The following CDC7 variants were observed in gnomAD, a reference collection of about 807,000 sequenced individuals.
CDC7 encodes cell division cycle 7-related protein kinase.
CDC7 carries 34 observed loss-of-function variants against 53.5 expected under a neutral mutation model. The observed-to-expected ratio is 0.64, with a 90% confidence interval of 0.48 to 0.85. The LOEUF is 0.85. Ranked by LOEUF, CDC7 falls within the 40% of genes least tolerant of loss-of-function variation. CDC7 has a pLI of 0.00. For missense variants in CDC7, 594 were observed against 679.7 expected (o/e 0.87, Z 1.40); for synonymous variants, 211 against 222.8 (o/e 0.95, Z 0.47).
Position 91,520,298 on chromosome 1 carries a change from T to C in CDC7, c.1330+19T>C. On this transcript the variant is annotated intron_variant, in intron 11 of 11. Coordinates refer to ENST00000234626, the MANE Select transcript of CDC7 (RefSeq NM_003503.4). ...ACTTTTGGTAAGCAGTTTTGTATTATAGAACCAAACAAAATGCCTTTGATT... is the reference window on the plus strand; with the variant it reads ...ACTTTTGGTAAGCAGTTTTGTATTACAGAACCAAACAAAATGCCTTTGATT... 6.6e-7 allele frequency: 1 copy of C among 1,525,702 alleles called. No individual in the cohort carries two copies. The highest frequency in any genetic ancestry group is 8.8e-7 in the Non-Finnish European group (1 of 1,137,132). 94.5% of individuals were successfully genotyped at this position (1,525,702 alleles called of 1,614,324 possible).
At chr1:91,500,976 C>T (rs1297311038) in intron 1 of CDC7, 28 bp downstream of exon 1, 1 of 152,244 alleles carries the variant, frequency 6.6e-6, no homozygotes. Flanking sequence ...TGTTCCATGG[C>T]GCGGGATTGT....
At position 91,514,952 on chromosome 1, in the gene CDC7, G is replaced by C; in HGVS notation, c.1052G>C (p.Cys351Ser). ...TASSCPASLT[C>S]DCYATDKVCS... The stretch of plus-strand genomic sequence containing the variant: ...AGTTCTTGCCCAGCTAGCCTGACCT[G>C]TGACTGCTATGCAACAGATAAAGTT... Residue 351 changes from cysteine to serine, a missense_variant, in exon 9 of 12, where the codon TGT (cysteine) becomes TCT (serine). Coordinates refer to ENST00000234626, the MANE Select transcript of CDC7 (RefSeq NM_003503.4). 1 of 1,613,926 alleles carries C rather than the reference G, an allele frequency of 6.2e-7. No homozygotes were observed. Among genetic ancestry groups the C allele is most frequent in the Non-Finnish European group, 8.5e-7 (1 of 1,179,870 alleles).
At chr1:91,515,947 T>C (rs1667537349) in intron 10 of CDC7, 71 bp downstream of exon 10, 1 of 1,253,464 alleles carries the variant, frequency 8.0e-7, no homozygotes, top group Non-Finnish European at 1.2e-6. Flanking sequence ...TTATGATCTT[T>C]GTCTATTTAT....
chr1:91,506,755 G>T (rs1281922789), intron 2 of CDC7, among the ~76,000 whole-genome samples: 1 of 152,148 alleles, frequency 6.6e-6, no homozygotes, highest in African/African-American at 2.4e-5. Context: ...TTCAAGACCA[G>T]CCTGGCCATT....
rs183452304 is a variant in CDC7 at position 91,524,110 on chromosome 1, G to A, written c.1400G>A (p.Gly467Asp). 6.2e-7 allele frequency: 1 copy of A among 1,613,730 alleles called. No individual in the cohort carries two copies. The highest frequency in any genetic ancestry group is 1.7e-5 in the Admixed American group (1 of 59,992). Residue 467 changes from glycine (G) to aspartate (D), a missense_variant, in exon 12 of 12, where the codon GGT (glycine) becomes GAT (aspartate). Gly to Asp is a moderately conservative substitution (Grantham distance 94). Coordinates refer to ENST00000234626, the MANE Select transcript of CDC7 (RefSeq NM_003503.4). Reference protein sequence around the residue: ...DLRKLCERLRGMDSSTPKLTS... With the variant: ...DLRKLCERLRDMDSSTPKLTS... ...AGAAAACTCTGTGAGAGACTCAGGG[G>A]TATGGATTCTAGCACTCCCAAGTTA...
At chr1:91,511,334 T>C (rs1667275729) in intron 4 of CDC7, among the ~76,000 whole-genome samples, 2 of 152,102 alleles carry the variant, frequency 1.3e-5, no homozygotes, top group African/African-American at 4.8e-5. Flanking sequence ...CCCTTTTTTC[T>C]CATTCTGCTG....
At chr1:91,510,761 T>C (rs550662682) in intron 4 of CDC7, among the ~76,000 whole-genome samples, 1 of 152,208 alleles carries the variant, frequency 6.6e-6, no homozygotes, top group Admixed American at 6.5e-5. Flanking sequence ...TCCTTCTGTT[T>C]TGTTTCTTCC....
intron 10 of CDC7, among the ~76,000 whole-genome samples, chr1:91,519,635 AT>A (rs906710894): frequency 1.3e-5 from 2 of 152,176 alleles, no homozygotes; most frequent in Admixed American, 1.3e-4. Context: ...TAAAAAAGTA[AT>A]TTTTTAAAAG....
chr1:91,513,982 T>C lies in CDC7; in HGVS notation c.857T>C (p.Val286Ala). 1 of 1,612,158 alleles carries C rather than the reference T, an allele frequency of 6.2e-7. No individual in the cohort carries two copies. The highest frequency in any genetic ancestry group is 1.1e-5 in the South Asian group (1 of 91,038). Residue 286 changes from valine (V) to alanine (A), a missense_variant, in exon 8 of 12, where the codon GTT becomes GCT. Physicochemically the swap from Val to Ala is moderately conservative, Grantham distance 64. Transcript: ENST00000234626. Reference sequence around the variant, plus strand: ...GTAGGCCTTTCTGTCCAGCGCTCTGTTTTTGGAGAAAGAAATTTCAATATA... The same window carrying C: ...GTAGGCCTTTCTGTCCAGCGCTCTGCTTTTGGAGAAAGAAATTTCAATATA... ...GSVGLSVQRS[V>A]FGERNFNIHS...
At chr1:91,503,121 G>A (rs1666791452) in intron 2 of CDC7, among the ~76,000 whole-genome samples, 1 of 152,094 alleles carries the variant, frequency 6.6e-6, no homozygotes, top group South Asian at 2.1e-4. Flanking sequence ...GGATGACTCT[G>A]AATTGGTTCT....
Position 91,523,929 on chromosome 1 carries a change from T to C in CDC7, c.1331-112T>C. ...GTGTGTGTGTGTGTGTGTGTGTCCATGTCTATAAAGCATATGTTTGAACTT... is the reference window on the plus strand; with the variant it reads ...GTGTGTGTGTGTGTGTGTGTGTCCACGTCTATAAAGCATATGTTTGAACTT... On this transcript the variant is annotated intron_variant, in intron 11 of 11. Transcript: ENST00000234626. 4.4e-6 allele frequency: 3 copies of C among 681,292 alleles called. No homozygotes were observed. The South Asian group carries it at 6.0e-5, about 14-fold the overall frequency. 42.2% of individuals were successfully genotyped at this position (681,292 alleles called of 1,614,324 possible).
At chr1:91,502,917 T>C (rs1017329959) in intron 2 of CDC7, among the ~76,000 whole-genome samples, 13 of 152,210 alleles carry the variant, frequency 8.5e-5, no homozygotes, top group African/African-American at 3.1e-4. Context: ...CTTTCCATTT[T>C]TCCAGCAGTT....
chr1:91,504,289 T>A (rs1413269558), intron 2 of CDC7, among the ~76,000 whole-genome samples: 1 of 152,130 alleles, frequency 6.6e-6, no homozygotes, highest in Non-Finnish European at 1.5e-5. Context: ...ATATTTTTTT[T>A]AGAAACAGGA....
In CDC7 at chr1:91,524,467, G is replaced by A. The variant is rs1292733349; in HGVS notation, c.*32G>A. The A allele has an allele frequency of 1.3e-6, 2 of 1,511,986 alleles. No individual in the cohort carries two copies. The highest frequency in any genetic ancestry group is 2.3e-5 in the East Asian group (1 of 44,412). The allele number at this position is 1,511,986 out of a possible 1,614,324, so 93.7% of individuals were successfully genotyped here. On this transcript the variant is annotated 3_prime_UTR_variant, in exon 12 of 12. Transcript: ENST00000234626. ...ATCTTCATTTAATGTTTACTGTTAT[G>A]AGGTAGAATAAAAAAGAATACTTTG...
intron 2 of CDC7, among the ~76,000 whole-genome samples, chr1:91,504,281 AT>A (rs957990643): frequency 2.6e-5 from 4 of 151,634 alleles, no homozygotes; most frequent in Non-Finnish European, 5.9e-5. Flanking sequence ...AATTTTAAAT[AT>A]TTTTTTTAGA....
intron 6 of CDC7, 84 bp downstream of exon 6, chr1:91,512,007 T>A (rs980095034): frequency 1.8e-4 from 178 of 993,246 alleles, no homozygotes; most frequent in Non-Finnish European, 2.5e-4. Flanking sequence ...GTATTGAACA[T>A]GATGTTATAT....
chr1:91,504,251 A>G (rs1013732991), intron 2 of CDC7, among the ~76,000 whole-genome samples: 8 of 151,966 alleles, frequency 5.3e-5, no homozygotes, highest in Admixed American at 2.6e-4. Flanking sequence ...GATTACAGGC[A>G]TGTGCCGCTA....
chr1:91,517,244 C>T (rs982998448), intron 10 of CDC7, among the ~76,000 whole-genome samples: 26 of 152,120 alleles, frequency 1.7e-4, no homozygotes, highest in African/African-American at 5.6e-4. Flanking sequence ...ATCATTCTGG[C>T]AGGCGTGCAA....
At position 91,524,454 on chromosome 1, in the gene CDC7, T is replaced by C. The variant is rs1438491613; in HGVS notation, c.*19T>C. ...CTTGTGATAATGGATCTTCATTTAA[T>C]GTTTACTGTTATGAGGTAGAATAAA... On this transcript the variant is annotated 3_prime_UTR_variant, in exon 12 of 12. Transcript: ENST00000234626. 2.5e-6 allele frequency: 4 copies of C among 1,569,056 alleles called. No homozygotes were observed. Among genetic ancestry groups the C allele is most frequent in the Admixed American group, 3.5e-5 (2 of 56,546 alleles).
Sources: gnomAD v4.1 joint callset for allele counts (sites outside exome capture counted in the v4.1 genomes callset) on GRCh38, gnomAD v4.1.1 for gene constraint, MANE v1.5 for transcripts, NCBI Gene and HGNC (gene_info 2026-07-23, HGNC 2026-07-21) for gene names.